The following GSE1 variants were observed in gnomAD, a reference collection of about 807,000 sequenced individuals.
GSE1 encodes the protein Gse1 coiled-coil protein.
GSE1 carries 32 observed loss-of-function variants against 112.6 expected under a neutral mutation model. The ratio of observed to expected loss-of-function variants is 0.28; its 90% CI spans 0.21 to 0.38. The LOEUF (loss-of-function observed/expected upper bound fraction) is 0.38. Ranked by LOEUF, GSE1 falls within the 10% of genes least tolerant of loss-of-function variation. The pLI, the probability that GSE1 is intolerant of heterozygous loss-of-function variation, is 1.00. For synonymous variants in GSE1, 1,115 were observed against 735.6 expected, an observed-to-expected ratio of 1.52 and a Z score of -8.35; for missense variants, 2,348 against 1,699.2, an observed-to-expected ratio of 1.38 and a Z score of -6.71.
intron 1 of GSE1, among the ~76,000 whole-genome samples, chr16:85,185,788 CTGGCAGA>C (rs764483231): frequency 6.6e-6 from 1 of 152,256 alleles, no homozygotes; most frequent in Non-Finnish European, 1.5e-5. Flanking sequence ...GGGCTCCGTG[CTGGCAGA>C]AGGCCTCCTG....
intron 2 of GSE1, among the ~76,000 whole-genome samples, chr16:85,449,065 G>C (rs1363772092): frequency 6.6e-6 from 1 of 152,240 alleles, no homozygotes; most frequent in Non-Finnish European, 1.5e-5. Context: ...GCAGGAGGGA[G>C]CCGGGCTGGA....
At chr16:85,334,690 TGGG>T (rs1307020596) in intron 1 of GSE1, among the ~76,000 whole-genome samples, 1 of 152,164 alleles carries the variant, frequency 6.6e-6, no homozygotes, top group Admixed American at 6.5e-5. Context: ...CCCCTAAATG[TGGG>T]GGCTCAAGAC....
At chr16:85,608,057 T>C (rs559494155), upstream of GSE1, among the ~76,000 whole-genome samples, 5 of 152,262 alleles carry the variant, frequency 3.3e-5, no homozygotes, top group East Asian at 1.9e-4. Flanking sequence ...GGACGCAACC[T>C]GGAGAGATGA....
intron 1 of GSE1, among the ~76,000 whole-genome samples, chr16:85,252,047 C>CAG (rs532018889): frequency 3.0e-4 from 46 of 152,316 alleles, no homozygotes; most frequent in African/African-American, 1.1e-3. Flanking sequence ...TAATAGATGG[C>CAG]AGAGAGAGCA....
At chr16:85,659,339 A>T (rs952586357) in intron 8 of GSE1, 1 of 152,226 alleles carries the variant, frequency 6.6e-6, no homozygotes, top group Non-Finnish European at 1.5e-5. Context: ...TGGTCCAGAC[A>T]TCCTGTGAGT....
chr16:85,314,112 T>C (rs992174927), intron 1 of GSE1, among the ~76,000 whole-genome samples: 2 of 152,106 alleles, frequency 1.3e-5, no homozygotes, highest in Admixed American at 1.3e-4. Context: ...TCTGTGTGTG[T>C]GTGTGTGACA....
chr16:85,657,103 G>C (rs1271129754), intron 7 of GSE1, among the ~76,000 whole-genome samples, 174 bp from the exon 8 acceptor site: 1 of 152,206 alleles, frequency 6.6e-6, no homozygotes, highest in East Asian at 1.9e-4. Flanking sequence ...CCAGGGACAA[G>C]ACATGCTTCT....
intron 1 of GSE1, among the ~76,000 whole-genome samples, chr16:85,307,805 G>T (rs1028887772): frequency 1.3e-5 from 2 of 152,188 alleles, no homozygotes; most frequent in African/African-American, 2.4e-5. Flanking sequence ...GGGTGGCTAA[G>T]CCCTCAGGTA....
chr16:85,556,290 ATCCCTC>A (rs2045206784), exon 1 of GSE1: 21 of 982,328 alleles, frequency 2.1e-5, no homozygotes, highest in Non-Finnish European at 2.4e-5. Flanking sequence ...TTCCTTCTTC[ATCCCTC>A]TCTGGCCACT....
chr16:85,470,813 C>T (rs1323824764), intron 2 of GSE1, among the ~76,000 whole-genome samples: 1 of 152,072 alleles, frequency 6.6e-6, no homozygotes, highest in African/African-American at 2.4e-5. Flanking sequence ...TTTTAATGAG[C>T]GGCGATTAAA....
At chr16:85,499,047 C>CAGG (rs2051274327) in intron 2 of GSE1, among the ~76,000 whole-genome samples, 1 of 152,184 alleles carries the variant, frequency 6.6e-6, no homozygotes, top group Admixed American at 6.5e-5. Flanking sequence ...GGGCTTTTTC[C>CAGG]AGGAGGAGTT....
chr16:85,189,922 T>C (rs1597756690), intron 1 of GSE1, among the ~76,000 whole-genome samples: 1 of 152,378 alleles, frequency 6.6e-6, no homozygotes. Context: ...AGGAATTTTA[T>C]TAATCTCCCA....
intron 2 of GSE1, among the ~76,000 whole-genome samples, chr16:85,460,042 C>T (rs1010823841): frequency 6.6e-5 from 10 of 152,276 alleles, no homozygotes; most frequent in African/African-American, 2.2e-4. Flanking sequence ...CCCAGGGCCC[C>T]GCAGTGCACA....
intron 2 of GSE1, among the ~76,000 whole-genome samples, chr16:85,425,387 G>C (rs889486127): frequency 6.6e-6 from 1 of 152,116 alleles, no homozygotes; most frequent in African/African-American, 2.4e-5. Context: ...CAGAGGCTTG[G>C]TGGAGGATGG....
intron 1 of GSE1, among the ~76,000 whole-genome samples, chr16:85,320,662 A>G (rs945436890): frequency 1.3e-5 from 2 of 151,986 alleles, no homozygotes; most frequent in Non-Finnish European, 2.9e-5. Context: ...ACATCTTCCA[A>G]GACCGTATTT....
intron 2 of GSE1, among the ~76,000 whole-genome samples, chr16:85,522,457 C>T (rs1217724753): frequency 2.0e-5 from 3 of 151,934 alleles, no homozygotes; most frequent in Non-Finnish European, 4.4e-5. Context: ...GGAGACCTTC[C>T]TGCCCGCCTC....
At chr16:85,313,059 C>G (rs996827885) in intron 1 of GSE1, among the ~76,000 whole-genome samples, 2 of 152,178 alleles carry the variant, frequency 1.3e-5, no homozygotes, top group African/African-American at 4.8e-5. Flanking sequence ...CGCCAAGGCC[C>G]CAGCTCTGAC....
intron 2 of GSE1, among the ~76,000 whole-genome samples, chr16:85,427,439 T>C (rs1033343587): frequency 1.3e-5 from 2 of 152,188 alleles, no homozygotes; most frequent in African/African-American, 2.4e-5. Flanking sequence ...ACCAGGAGTT[T>C]GAAACTAGCC....
intron 1 of GSE1, among the ~76,000 whole-genome samples, chr16:85,625,215 T>A (rs2048989659): frequency 6.6e-6 from 1 of 152,166 alleles, no homozygotes; most frequent in South Asian, 2.1e-4. Flanking sequence ...CAGCCCTTCA[T>A]CTGCCCGGCC....
Sources: gnomAD v4.1 joint callset for allele counts (sites outside exome capture counted in the v4.1 genomes callset) on GRCh38, gnomAD v4.1.1 for gene constraint, MANE v1.5 for transcripts, NCBI Gene and HGNC (gene_info 2026-07-23, HGNC 2026-07-21) for gene names.